XRCC6: variants seen among roughly 807,000 people sequenced by gnomAD.
XRCC6 encodes DNA repair protein Ku70.
A neutral mutation model predicts 65.7 loss-of-function variants in XRCC6; 5 were observed. The ratio of observed to expected loss-of-function variants is 0.08; its 90% CI spans 0.04 to 0.16. The LOEUF is 0.16. Among genes scored for constraint, XRCC6 ranks in the 10% least tolerant of loss-of-function variants. XRCC6 has a pLI of 1.00. For missense variants in XRCC6, 447 were observed against 738.1 expected, an observed-to-expected ratio of 0.61 and a Z score of 4.57; for synonymous variants, 270 against 270.6, an observed-to-expected ratio of 1.00 and a Z score of 0.02.
intron 6 of XRCC6, among the ~76,000 whole-genome samples, chr22:41,640,267 G>T (rs1255550450): frequency 1.3e-5 from 2 of 152,038 alleles, no homozygotes; most frequent in Non-Finnish European, 2.9e-5. Context: ...TCCTGCCTCA[G>T]CCTCCCGAGT....
intron 3 of XRCC6, among the ~76,000 whole-genome samples, chr22:41,631,838 A>G (rs2067756805): frequency 6.6e-6 from 1 of 152,114 alleles, no homozygotes; most frequent in African/African-American, 2.4e-5. Context: ...CCTGGGCACC[A>G]TTGAGCACTG....
At chr22:41,643,662 A>G (rs888743541) in intron 6 of XRCC6, among the ~76,000 whole-genome samples, 5 of 151,858 alleles carry the variant, frequency 3.3e-5, no homozygotes, top group Non-Finnish European at 7.4e-5. Flanking sequence ...CTCTACTAAA[A>G]ATACAAAAAT....
intron 6 of XRCC6, among the ~76,000 whole-genome samples, chr22:41,645,525 C>G (rs562447027): frequency 6.6e-6 from 1 of 152,002 alleles, no homozygotes; most frequent in African/African-American, 2.4e-5. Context: ...ATGGCCTTCT[C>G]CAGGGTCAGA....
chr22:41,636,570 G>A lies in XRCC6; in HGVS notation c.389G>A (p.Arg130His), dbSNP rs780415976. ...TTTAAGGGGCAGCAGGGACAAAAAC[G>A]TTTCCAAGACATGATGGGCCACGGA... Reference protein sequence around the residue: ...DQFKGQQGQKRFQDMMGHGSD... With the variant: ...DQFKGQQGQKHFQDMMGHGSD... Residue 130 changes from arginine (R) to histidine (H), a missense_variant, in exon 5 of 13, where the codon CGT (arginine) becomes CAT (histidine). By Grantham distance (29) the Arg-to-His change is conservative. Around this residue, in one of 4 missense-constraint regions of XRCC6, gnomAD observed 228 missense variants for 307.4 expected, o/e 0.74. Transcript: ENST00000360079. 10 of 1,613,978 alleles carry A rather than the reference G, an allele frequency of 6.2e-6. No individual in the cohort carries two copies. Among genetic ancestry groups the A allele is most frequent in the Non-Finnish European group, 8.5e-6 (10 of 1,179,888 alleles).
intron 6 of XRCC6, among the ~76,000 whole-genome samples, chr22:41,641,886 G>C (rs1355687112): frequency 6.6e-6 from 1 of 151,936 alleles, no homozygotes; most frequent in African/African-American, 2.4e-5. Flanking sequence ...TCTGCCTTCT[G>C]GATTCAAGCA....
At chr22:41,632,157 G>GTGGGGAGAGGGAGACCA (rs2067762082) in intron 3 of XRCC6, among the ~76,000 whole-genome samples, 8 of 151,366 alleles carry the variant, frequency 5.3e-5, no homozygotes, top group Admixed American at 5.3e-4. Flanking sequence ...GAGGGAGACC[G>GTGGGGAGAGGGAGACCA]TGGGGAGAGG....
At chr22:41,637,287 G>T (rs1180696367) in intron 5 of XRCC6, among the ~76,000 whole-genome samples, 1 of 151,976 alleles carries the variant, frequency 6.6e-6, no homozygotes, top group South Asian at 2.1e-4. Context: ...GTTTCACCAC[G>T]TTGACCAGGC....
Position 41,634,383 on chromosome 22 carries a change from G to A in XRCC6, c.196-1730G>A, listed in dbSNP as rs374030068. On this transcript the variant is annotated intron_variant, in intron 3 of 12. Transcript: ENST00000360079. ...TTTTTTTGTTTTTTGTAGAGACATT[G>A]TTTTGCCATGTTGCCCAGGCTAGTT... is the stretch of plus-strand genomic sequence containing the variant. Among the ~76,000 whole-genome samples the A allele has an allele frequency of 1.3e-4, 19 of 151,946 alleles. No homozygotes were observed. The South Asian group carries it at 1.9e-3, about 15-fold the overall frequency.
chr22:41,659,898 C>T (rs1282200472), intron 11 of XRCC6, among the ~76,000 whole-genome samples: 1 of 151,698 alleles, frequency 6.6e-6, no homozygotes, highest in Admixed American at 6.6e-5. Flanking sequence ...ATTGGCCAGG[C>T]TCATCTTGAA....
At chr22:41,638,203 T>C (rs189951471) in intron 6 of XRCC6, among the ~76,000 whole-genome samples, 1 of 152,224 alleles carries the variant, frequency 6.6e-6, no homozygotes, top group African/African-American at 2.4e-5. Context: ...GGTAGACAGT[T>C]ATGGTCTAAG....
rs1555905138 is a variant in XRCC6, at chr22:41,639,667, C to CTTTTTTTTTCTTT, written c.773+1885_773+1886insCTTTTTTTTTTTT. Among the ~76,000 whole-genome samples the CTTTTTTTTTCTTT allele has an allele frequency of 3.7e-5, 3 of 81,050 alleles. 1 individual carries two copies. In the Admixed American group the frequency reaches 3.7e-4, roughly 10 times the overall value. The allele number at this position is 81,050 out of a possible 152,430, so 53.2% of individuals were successfully genotyped here. The stretch of plus-strand genomic sequence containing the variant: ...TCCATGTGTAGCCTAGATTCTCTCT[C>CTTTTTTTTTCTTT]TTTTTTTTTTTTTGAGATGGAGTCT... On this transcript the variant is annotated intron_variant, in intron 6 of 12. Coordinates refer to ENST00000360079, the MANE Select transcript of XRCC6 (RefSeq NM_001469.5).
intron 10 of XRCC6, among the ~76,000 whole-genome samples, chr22:41,657,547 G>T (rs1434942008): frequency 6.9e-6 from 1 of 144,146 alleles, no homozygotes; most frequent in Non-Finnish European, 1.5e-5. Flanking sequence ...TTTGAGACAG[G>T]GTCTCTTGTC....
Position 41,663,867 on chromosome 22 carries a change from C to G in XRCC6, c.*52C>G. The G allele has an allele frequency of 6.3e-7, 1 of 1,576,492 alleles. No homozygotes were observed. Among genetic ancestry groups the G allele is most frequent in the South Asian group, 1.1e-5 (1 of 88,718 alleles). On this transcript the variant is annotated 3_prime_UTR_variant, in exon 13 of 13. Coordinates refer to ENST00000360079, the MANE Select transcript of XRCC6 (RefSeq NM_001469.5). ...TCCGCAGTGTGGCCAGGCTGCCTGG[C>G]CTTGTCCTCAGCCAGTTAAAATGTG...
chr22:41,628,829 G>A (rs2067707332), intron 3 of XRCC6, among the ~76,000 whole-genome samples: 1 of 151,910 alleles, frequency 6.6e-6, no homozygotes, highest in African/African-American at 2.4e-5. Context: ...AGCCAGGCAT[G>A]GTGGTGCGCT....
At chr22:41,653,471 A>G in intron 8 of XRCC6, 58 bp from the exon 9 acceptor site, 1 of 1,494,612 alleles carries the variant, frequency 6.7e-7, no homozygotes, top group Non-Finnish European at 9.0e-7. Context: ...TAGGGCTAAA[A>G]GAGAAGAAAG....
intron 2 of XRCC6, among the ~76,000 whole-genome samples, chr22:41,626,661 C>G (rs1434999677): frequency 7.0e-6 from 1 of 142,736 alleles, no homozygotes; most frequent in Admixed American, 7.0e-5. Flanking sequence ...TTTTTGAGAC[C>G]GAGTCTCACT....
At chr22:41,641,306 C>G (rs376734348) in intron 6 of XRCC6, among the ~76,000 whole-genome samples, 3 of 17,650 alleles carry the variant, frequency 1.7e-4, no homozygotes, top group Admixed American at 8.6e-4. Context: ...ATTAAACTTA[C>G]GCTTTTTAAA....
intron 7 of XRCC6, among the ~76,000 whole-genome samples, chr22:41,649,252 A>C (rs2067971081): frequency 6.7e-6 from 1 of 149,640 alleles, no homozygotes; most frequent in African/African-American, 2.5e-5. Context: ...CTGTAGCTTC[A>C]ACCTCTTGGG....
chr22:41,636,576 A>G lies in XRCC6; in HGVS notation c.395A>G (p.Gln132Arg), dbSNP rs11557351. 6.2e-7 allele frequency: 1 copy of G among 1,613,986 alleles called. No individual in the cohort carries two copies. The highest frequency in any genetic ancestry group is 8.5e-7 in the Non-Finnish European group (1 of 1,179,904). ...GGGCAGCAGGGACAAAAACGTTTCC[A>G]AGACATGATGGGCCACGGATCTGAC... ...FKGQQGQKRF[Q>R]DMMGHGSDYS... is the part of the protein sequence containing the mutation. Residue 132 changes from glutamine (Q) to arginine (R), a missense_variant, in exon 5 of 13, where the codon CAA becomes CGA. This residue lies in a region of XRCC6 where 228 missense variants were observed against 307.4 expected (regional missense o/e 0.74). Coordinates refer to ENST00000360079, the MANE Select transcript of XRCC6 (RefSeq NM_001469.5).
Sources: gnomAD v4.1 joint callset for allele counts (sites outside exome capture counted in the v4.1 genomes callset) on GRCh38, gnomAD v4.1.1 for gene constraint, gnomAD v4.1.1 regional missense constraint, MANE v1.5 for transcripts, NCBI Gene and HGNC (gene_info 2026-07-23, HGNC 2026-07-21) for gene names.